Variants in OXTR observed in about 807,000 individuals in gnomAD.
The protein encoded by OXTR is oxytocin receptor.
In OXTR, 19 loss-of-function variants were observed where a neutral mutation model predicts 23.9. The observed-to-expected ratio is 0.80, with a 90% confidence interval of 0.56 to 1.17. OXTR has a LOEUF of 1.17. Among genes scored for constraint, OXTR ranks in the 50% most tolerant of loss-of-function variants. OXTR has a pLI of 0.00. For missense variants in OXTR, 500 were observed against 550.7 expected, an observed-to-expected ratio of 0.91 and a Z score of 0.92; for synonymous variants, 278 against 250.5, an observed-to-expected ratio of 1.11 and a Z score of -1.04.
intron 3 of OXTR, among the ~76,000 whole-genome samples, chr3:8,763,979 A>G (rs1708549648): frequency 6.6e-6 from 1 of 151,884 alleles, no homozygotes; most frequent in African/African-American, 2.4e-5. Context: ...TTGTTGAGGC[A>G]CCTAAATTTT....
At chr3:8,746,104 G>A, downstream of OXTR, 3 of 505,786 alleles carry the variant, frequency 5.9e-6, no homozygotes. Context: ...GGGCGTGGGG[G>A]AAGATCATTT....
chr3:8,762,193 A>G (rs1483074028), intron 3 of OXTR, among the ~76,000 whole-genome samples: 2 of 152,138 alleles, frequency 1.3e-5, no homozygotes, highest in Admixed American at 1.3e-4. Flanking sequence ...GAGGCCCTCC[A>G]CAACCCCTCT....
intron 3 of OXTR, among the ~76,000 whole-genome samples, chr3:8,759,763 C>G (rs984628109): frequency 1.3e-5 from 2 of 152,214 alleles, no homozygotes; most frequent in African/African-American, 4.8e-5. Flanking sequence ...AAGCATCTGA[C>G]TAAAGGGCAG....
In OXTR at chr3:8,751,737, T is replaced by A. The variant is rs1311633907; in HGVS notation, c.*1240A>T. On this transcript the variant is annotated 3_prime_UTR_variant, in exon 4 of 4. Transcript: ENST00000316793. The stretch of plus-strand genomic sequence containing the variant: ...CTCTTTATTCTGCTCCGTATGTCTA[T>A]CCTTAAACCAGTAACACACTGAGCT... The A allele has an allele frequency of 6.6e-6, 1 of 152,252 alleles. No individual in the cohort carries two copies. The highest frequency in any genetic ancestry group is 1.5e-5 in the Non-Finnish European group (1 of 68,048). 9.4% of individuals were successfully genotyped at this position (152,252 alleles called of 1,614,324 possible).
chr3:8,758,694 T>A (rs1354458212), intron 3 of OXTR, among the ~76,000 whole-genome samples: 1 of 152,120 alleles, frequency 6.6e-6, no homozygotes, highest in Non-Finnish European at 1.5e-5. Flanking sequence ...TAGTGCAAGG[T>A]CTGGGTGAAG....
At position 8,753,240 on chromosome 3, in the gene OXTR, C is replaced by A. The variant is rs1309355678; in HGVS notation, c.923-16G>T. 4 of 1,613,142 alleles carry A rather than the reference C, an allele frequency of 2.5e-6. No individual in the cohort carries two copies. The African/African-American group carries it at 5.3e-5, about 22-fold the overall frequency. ...AAGGCCGAGGCTGAGGGGGTGGGGG[C>A]AGGAGAAAGGAGAAAAGGGCATTAA... On this transcript the variant is annotated splice_polypyrimidine_tract_variant and intron_variant, in intron 3 of 3. Coordinates refer to ENST00000316793, the MANE Select transcript of OXTR (RefSeq NM_000916.4).
At chr3:8,766,940 C>A (rs1708620347) in intron 3 of OXTR, among the ~76,000 whole-genome samples, 1 of 152,220 alleles carries the variant, frequency 6.6e-6, no homozygotes, top group South Asian at 2.1e-4. Flanking sequence ...CCTGTTTCCA[C>A]CACCACAGTA....
rs1575492743 is a variant in OXTR at position 8,768,361 on chromosome 3, C to A, written c.-142-32G>T. 1.9e-6 allele frequency: 2 copies of A among 1,062,230 alleles called. No homozygotes were observed. Among genetic ancestry groups the A allele is most frequent in the Non-Finnish European group, 2.4e-6 (2 of 841,164 alleles). 65.8% of individuals were successfully genotyped at this position (1,062,230 alleles called of 1,614,324 possible). ...CAAACCGGGAGGGCCGTGAGGAGACCGCCGCGTTTCTCTTCCGACGCGGGT... is the reference window on the plus strand; with the variant it reads ...CAAACCGGGAGGGCCGTGAGGAGACAGCCGCGTTTCTCTTCCGACGCGGGT... On this transcript the variant is annotated intron_variant, in intron 2 of 3. Coordinates refer to ENST00000316793, the MANE Select transcript of OXTR (RefSeq NM_000916.4). The surrounding 1 kb of genome is among the most constrained non-coding windows in gnomAD (Gnocchi z 5.4).
chr3:8,745,871 C>T (rs1266078186), downstream of OXTR: 1 of 1,607,774 alleles, frequency 6.2e-7, no homozygotes, highest in Non-Finnish European at 8.5e-7. This position sits in a 1 kb window ranked among gnomAD's most constrained non-coding sequence, Gnocchi z 4.8. Context: ...GGTCTAAAGC[C>T]AGGTGGGGCA....
At chr3:8,769,007 C>G (rs1708704682) in intron 1 of OXTR, among the ~76,000 whole-genome samples, 1 of 152,250 alleles carries the variant, frequency 6.6e-6, no homozygotes. Flanking sequence ...GGGCTCCTCC[C>G]CAGCCCGGCA....
the OXTR span, chr3:8,744,789 T>C: frequency 2.0e-5 from 3 of 152,272 alleles, no homozygotes; most frequent in Admixed American, 6.5e-5. Flanking sequence ...ACAATAGAAT[T>C]TGAGAGCTGC....
intron 3 of OXTR, among the ~76,000 whole-genome samples, chr3:8,766,332 G>A (rs1012872595): frequency 6.6e-6 from 1 of 152,150 alleles, no homozygotes; most frequent in Non-Finnish European, 1.5e-5. Context: ...GAGCCCTAGG[G>A]TGCCTCTGTT....
chr3:8,748,563 C>T (rs568311851), downstream of OXTR, among the ~76,000 whole-genome samples: 1 of 152,182 alleles, frequency 6.6e-6, no homozygotes, highest in South Asian at 2.1e-4. Flanking sequence ...GGAGGAAGAA[C>T]GGGGGCAAAG....
chr3:8,767,281 T>C lies in OXTR; in HGVS notation c.907A>G (p.Asn303Asp), dbSNP rs201169406. The C allele has an allele frequency of 6.2e-5, 96 of 1,554,410 alleles. No homozygotes were observed. Among genetic ancestry groups the C allele is most frequent in the East Asian group, 5.7e-4 (25 of 43,706 alleles). Residue 303 changes from asparagine to aspartate, a missense_variant, in exon 3 of 4, where the codon AAC becomes GAC. Coordinates refer to ENST00000316793, the MANE Select transcript of OXTR (RefSeq NM_000916.4). ...CCCTGGCTACCTTCCTTGGGCGCGT[T>C]GGCATCCCAGACGCTCCACATCTGC... ...FVQMWSVWDA[N>D]APKEASAFII...
rs1293553037 is a variant in OXTR at position 8,768,342 on chromosome 3, G to A, written c.-142-13C>T. On this transcript the variant is annotated splice_polypyrimidine_tract_variant and intron_variant, in intron 2 of 3. Transcript: ENST00000316793. The surrounding 1 kb of genome is among the most constrained non-coding windows in gnomAD (Gnocchi z 5.4). Reference sequence around the variant, plus strand: ...TGCTGGGTCCACCCTGAAACAAACCGGGAGGGCCGTGAGGAGACCGCCGCG... The same window carrying A: ...TGCTGGGTCCACCCTGAAACAAACCAGGAGGGCCGTGAGGAGACCGCCGCG... 16 of 1,163,890 alleles carry A rather than the reference G, an allele frequency of 1.4e-5. No individual in the cohort carries two copies. Among genetic ancestry groups the A allele is most frequent in the Non-Finnish European group, 1.6e-5 (15 of 933,770 alleles). 72.1% of individuals were successfully genotyped at this position (1,163,890 alleles called of 1,614,324 possible). A position where few individuals can be genotyped will look rare whatever the true frequency, so the allele number is the denominator to read the frequency against.
Position 8,752,702 on chromosome 3 carries a change from C to G in OXTR, c.*275G>C, listed in dbSNP as rs1708288351. On this transcript the variant is annotated 3_prime_UTR_variant, in exon 4 of 4. Transcript: ENST00000316793. ...AATATACTGGAGTGAAATTACAAGT[C>G]CAGGAGAAAAAACAAGCCACTCACT... 4.8e-6 allele frequency: 2 copies of G among 418,640 alleles called. No homozygotes were observed. Among genetic ancestry groups the G allele is most frequent in the African/African-American group, 4.0e-5 (2 of 50,394 alleles). 25.9% of individuals were successfully genotyped at this position (418,640 alleles called of 1,614,324 possible).
At chr3:8,742,952 G>C in the OXTR span, among the ~76,000 whole-genome samples, 1 of 152,186 alleles carries the variant, frequency 6.6e-6, no homozygotes, top group Non-Finnish European at 1.5e-5. Flanking sequence ...CATGGTGCAG[G>C]CATCTGCAGC....
chr3:8,761,135 T>G (rs931743694), intron 3 of OXTR, among the ~76,000 whole-genome samples: 1 of 152,152 alleles, frequency 6.6e-6, no homozygotes, highest in African/African-American at 2.4e-5. Context: ...CAGCCTAAAA[T>G]GTCAATAGTG....
In OXTR at chr3:8,752,264, T is replaced by TGTG. The variant is rs928704985; in HGVS notation, c.*712_*713insCAC. 6.6e-6 allele frequency: 1 copy of TGTG among 152,028 alleles called. No individual in the cohort carries two copies. The highest frequency in any genetic ancestry group is 2.4e-5 in the African/African-American group (1 of 41,368). The allele number at this position is 152,028 out of a possible 1,614,324, so 9.4% of individuals were successfully genotyped here. ...GCGTGTGTGTGTGTGTGTGTGTGTG[T>TGTG]GAGTTCCTTAGGATTTTCTATATAC... On this transcript the variant is annotated 3_prime_UTR_variant, in exon 4 of 4. Transcript: ENST00000316793.
Sources: allele counts gnomAD v4.1 joint callset (sites outside exome capture counted in the v4.1 genomes callset), GRCh38; gene constraint gnomAD v4.1.1; non-coding constraint Gnocchi (gnomAD v3.1); transcripts MANE v1.5; gene names NCBI Gene and HGNC (gene_info 2026-07-23, HGNC 2026-07-21).